Variants in CRYBG1 observed in about 807,000 individuals in gnomAD.
CRYBG1 encodes beta/gamma crystallin domain-containing protein 1.
In CRYBG1, 139 loss-of-function variants were observed where a neutral mutation model predicts 189.2. That is an observed-to-expected ratio of 0.73 (90% CI 0.64 to 0.85). CRYBG1 has a LOEUF of 0.85. Ranked by LOEUF, CRYBG1 falls within the 40% of genes least tolerant of loss-of-function variation. CRYBG1 has a pLI of 0.00. For synonymous variants in CRYBG1, 1,023 were observed against 1,017.1 expected (o/e 1.01, Z -0.11); for missense variants, 2,611 against 2,675.8 (o/e 0.98, Z 0.53).
At chr6:106,369,523 C>T (rs1582724514) in intron 1 of CRYBG1, among the ~76,000 whole-genome samples, 1 of 152,124 alleles carries the variant, frequency 6.6e-6, no homozygotes, top group East Asian at 1.9e-4. Flanking sequence ...GCAGAGTACA[C>T]CTCTTAATTT....
At position 106,519,319 on chromosome 6, in the gene CRYBG1, C is replaced by T. The variant is rs2114537376; in HGVS notation, c.2111C>T (p.Thr704Ile). 1 of 1,614,152 alleles carries T rather than the reference C, an allele frequency of 6.2e-7. No homozygotes were observed. The highest frequency in any genetic ancestry group is 1.3e-5 in the African/African-American group (1 of 75,042). Residue 704 changes from threonine to isoleucine, a missense_variant, in exon 4 of 22, where the codon ACT becomes ATT. By Grantham distance (89) the Thr-to-Ile change is moderately conservative (BLOSUM62 -1). Coordinates refer to ENST00000633556, the MANE Select transcript of CRYBG1 (RefSeq NM_001371242.2). The part of the protein sequence containing the change: ...RHTDIRGQRN[T>I]PASSKTFVGR... Reference sequence around the variant, plus strand: ...ACTGACATTCGAGGCCAAAGGAATACTCCTGCCTCTAGTAAAACGTTTGTT... The same window carrying T: ...ACTGACATTCGAGGCCAAAGGAATATTCCTGCCTCTAGTAAAACGTTTGTT...
At chr6:106,398,758 T>C (rs2114350122) in intron 1 of CRYBG1, among the ~76,000 whole-genome samples, 1 of 152,310 alleles carries the variant, frequency 6.6e-6, no homozygotes, top group East Asian at 1.9e-4. Context: ...ACCCCCTTCT[T>C]CTCTTTTTCA....
chr6:106,428,610 C>T (rs1413609064), intron 1 of CRYBG1, among the ~76,000 whole-genome samples: 1 of 152,156 alleles, frequency 6.6e-6, no homozygotes, highest in Non-Finnish European at 1.5e-5. Flanking sequence ...CCTTATTCTA[C>T]AGGTGAAGAA....
chr6:106,546,550 A>C (rs1774269284), intron 13 of CRYBG1, among the ~76,000 whole-genome samples: 1 of 152,214 alleles, frequency 6.6e-6, no homozygotes, highest in African/African-American at 2.4e-5. Flanking sequence ...AGTAAAAAAA[A>C]CCTTGTTCAA....
At chr6:106,404,496 C>G (rs1370424101) in intron 1 of CRYBG1, among the ~76,000 whole-genome samples, 1 of 152,112 alleles carries the variant, frequency 6.6e-6, no homozygotes, top group Non-Finnish European at 1.5e-5. Context: ...AAGAAATATT[C>G]TATCTGAACA....
intron 1 of CRYBG1, among the ~76,000 whole-genome samples, chr6:106,428,599 T>G (rs976572495): frequency 9.9e-5 from 15 of 152,228 alleles, no homozygotes; most frequent in African/African-American, 1.7e-4. Flanking sequence ...TGTATGGTCA[T>G]CCTTATTCTA....
At chr6:106,371,981 G>A (rs1770048041) in intron 1 of CRYBG1, among the ~76,000 whole-genome samples, 1 of 152,346 alleles carries the variant, frequency 6.6e-6, no homozygotes, top group South Asian at 2.1e-4. Context: ...TGTTGACAAT[G>A]TAGAGAGGCG....
intron 3 of CRYBG1, among the ~76,000 whole-genome samples, chr6:106,513,538 G>A (rs557024325): frequency 2.6e-5 from 4 of 152,322 alleles, no homozygotes; most frequent in African/African-American, 9.6e-5. Flanking sequence ...TTGGCAAAAA[G>A]CTTAAAAACA....
At chr6:106,503,167 A>G (rs1316604184) in intron 2 of CRYBG1, among the ~76,000 whole-genome samples, 3 of 152,128 alleles carry the variant, frequency 2.0e-5, no homozygotes, top group African/African-American at 7.2e-5. Context: ...AGATGGAGAG[A>G]TTAGGGGGGA....
chr6:106,553,808 T>C (rs1774466828), intron 16 of CRYBG1, among the ~76,000 whole-genome samples: 2 of 152,194 alleles, frequency 1.3e-5, no homozygotes, highest in Non-Finnish European at 1.5e-5. Flanking sequence ...CTTTACTCTG[T>C]ATGTCTTCCC....
At chr6:106,460,235 C>T (rs989831513) in intron 2 of CRYBG1, among the ~76,000 whole-genome samples, 4 of 152,064 alleles carry the variant, frequency 2.6e-5, no homozygotes, top group Non-Finnish European at 5.9e-5. Flanking sequence ...TCGTGATCCG[C>T]CCGCCTCTGC....
intron 2 of CRYBG1, among the ~76,000 whole-genome samples, chr6:106,509,366 A>G (rs946045897): frequency 1.3e-5 from 2 of 152,236 alleles, no homozygotes; most frequent in African/African-American, 4.8e-5. Flanking sequence ...ATGTTTCCTT[A>G]GGAAGTTACA....
At chr6:106,379,103 C>G (rs749090455) in intron 1 of CRYBG1, among the ~76,000 whole-genome samples, 1 of 152,002 alleles carries the variant, frequency 6.6e-6, no homozygotes, top group African/African-American at 2.4e-5. Flanking sequence ...GAGTTGAGAT[C>G]GCGCCACTGC....
chr6:106,487,247 T>C (rs1772611234), intron 2 of CRYBG1, among the ~76,000 whole-genome samples: 1 of 152,244 alleles, frequency 6.6e-6, no homozygotes, highest in Admixed American at 6.5e-5. Context: ...TTATCTTTTA[T>C]GTGTTCTTTA....
chr6:106,369,843 C>A (rs1347408955), intron 1 of CRYBG1, among the ~76,000 whole-genome samples: 1 of 152,100 alleles, frequency 6.6e-6, no homozygotes, highest in African/African-American at 2.4e-5. Context: ...TATTATTAGT[C>A]CCATATTGAG....
chr6:106,402,462 G>C lies in CRYBG1; in HGVS notation c.173+41381G>C, dbSNP rs528033778. On this transcript the variant is annotated intron_variant, in intron 1 of 21. Transcript: ENST00000633556. The stretch of plus-strand genomic sequence containing the variant: ...TACCAAAACAGAGATATAGATCAAT[G>C]GAACAGAACAGAGCCCTCAGAAATA... Among the ~76,000 whole-genome samples the C allele has an allele frequency of 1.2e-4, 11 of 89,478 alleles. No individual in the cohort carries two copies. The East Asian group carries it at 3.2e-3, about 26-fold the overall frequency. The allele number at this position is 89,478 out of a possible 152,430, so 58.7% of individuals were successfully genotyped here.
At chr6:106,558,726 G>A in intron 18 of CRYBG1, 101 bp downstream of exon 18, 2 of 920,618 alleles carry the variant, frequency 2.2e-6, no homozygotes, top group Non-Finnish European at 3.1e-6. Context: ...ACTTTAGGAG[G>A]CCGAGGTAGA....
chr6:106,541,368 T>A, intron 9 of CRYBG1: 1 of 681,012 alleles, frequency 1.5e-6, no homozygotes, highest in Non-Finnish European at 2.8e-6. Context: ...ACAACGCAGA[T>A]CAGCTTATAG....
At chr6:106,369,701 ATT>A (rs1485356834) in intron 1 of CRYBG1, among the ~76,000 whole-genome samples, 1 of 152,238 alleles carries the variant, frequency 6.6e-6, no homozygotes, top group Non-Finnish European at 1.5e-5. Flanking sequence ...CTGTGAAAAC[ATT>A]GTTTCCCATC....
Sources: allele counts gnomAD v4.1 joint callset (sites outside exome capture counted in the v4.1 genomes callset), GRCh38; gene constraint gnomAD v4.1.1; transcripts MANE v1.5; gene names NCBI Gene and HGNC (gene_info 2026-07-23, HGNC 2026-07-21).